Variants in COL6A6 observed in about 807,000 individuals in gnomAD.
COL6A6 encodes the protein collagen type VI alpha 6 chain, also known as collagen alpha-6(VI) chain.
COL6A6 carries 183 observed loss-of-function variants against 208.6 expected under a neutral mutation model. The observed-to-expected ratio is 0.88, with a 90% confidence interval of 0.78 to 0.99. COL6A6 has a LOEUF of 0.99. Ranked by LOEUF, COL6A6 falls within the 50% of genes least tolerant of loss-of-function variation. The pLI, the probability that COL6A6 is intolerant of heterozygous loss-of-function variation, is 0.00. For missense variants in COL6A6, 2,816 were observed against 2,815.2 expected (o/e 1.00, Z -0.01); for synonymous variants, 973 against 1,011.8 (o/e 0.96, Z 0.73).
chr3:130,579,193 G>T (rs115938256), intron 8 of COL6A6, among the ~76,000 whole-genome samples: 1,718 of 152,218 alleles, frequency 0.011, 18 homozygotes, highest in Admixed American at 0.018. Context: ...TTAATACCAA[G>T]AATCTGCCAT....
intron 33 of COL6A6, among the ~76,000 whole-genome samples, chr3:130,653,357 G>T (rs568698278): frequency 6.6e-6 from 1 of 151,466 alleles, no homozygotes; most frequent in East Asian, 1.9e-4. Flanking sequence ...GAGTTGAAAT[G>T]GGGGGAGACT....
chr3:130,590,543 G>C (rs957135827), intron 12 of COL6A6, among the ~76,000 whole-genome samples: 2 of 135,738 alleles, frequency 1.5e-5, no homozygotes, highest in South Asian at 4.8e-4. Flanking sequence ...TCCCACCTAT[G>C]AGTGAGAACA....
At chr3:130,580,220 C>T (rs555594008) in intron 8 of COL6A6, among the ~76,000 whole-genome samples, 26 of 152,116 alleles carry the variant, frequency 1.7e-4, no homozygotes, top group African/African-American at 2.7e-4. Flanking sequence ...TATGAGAAGA[C>T]GTAGATGCAA....
chr3:130,656,240 A>G (rs953733987), intron 33 of COL6A6, among the ~76,000 whole-genome samples: 35 of 152,358 alleles, frequency 2.3e-4, no homozygotes, highest in African/African-American at 8.2e-4. Flanking sequence ...TAGCTCTACC[A>G]TTCAGTGGGT....
At chr3:130,596,734 C>T (rs2063862079) in intron 18 of COL6A6, among the ~76,000 whole-genome samples, 1 of 152,206 alleles carries the variant, frequency 6.6e-6, no homozygotes, top group Non-Finnish European at 1.5e-5. Context: ...GGGTGCAACA[C>T]ACCAACATGG....
chr3:130,561,042 C>G (rs1458286575), intron 2 of COL6A6, among the ~76,000 whole-genome samples: 1 of 152,208 alleles, frequency 6.6e-6, no homozygotes, highest in East Asian at 1.9e-4. Flanking sequence ...AGACATAAAC[C>G]AGACTTTGCC....
chr3:130,521,907 C>A (rs1420604546), intron 1 of COL6A6, among the ~76,000 whole-genome samples: 1 of 151,952 alleles, frequency 6.6e-6, no homozygotes, highest in Non-Finnish European at 1.5e-5. Context: ...ATAGTGGTAA[C>A]CTACCTGCTC....
chr3:130,618,543 A>G (rs1405994329), intron 23 of COL6A6, among the ~76,000 whole-genome samples: 1 of 152,190 alleles, frequency 6.6e-6, no homozygotes, highest in Non-Finnish European at 1.5e-5. Flanking sequence ...TCATTCTTTG[A>G]TATCTTTCTG....
intron 1 of COL6A6, among the ~76,000 whole-genome samples, chr3:130,554,628 GGT>G (rs2062725597): frequency 6.6e-6 from 1 of 152,172 alleles, no homozygotes; most frequent in Non-Finnish European, 1.5e-5. Context: ...TGGCATTGGA[GGT>G]GTGGTGGAGG....
chr3:130,559,130 A>C (rs1490038407), intron 1 of COL6A6, among the ~76,000 whole-genome samples: 3 of 152,330 alleles, frequency 2.0e-5, no homozygotes, highest in African/African-American at 7.2e-5. Context: ...AGCTCAACAA[A>C]TGGCAGAATT....
intron 20 of COL6A6, among the ~76,000 whole-genome samples, chr3:130,602,028 C>T (rs2064038718): frequency 6.6e-6 from 1 of 152,118 alleles, no homozygotes; most frequent in South Asian, 2.1e-4. Context: ...CACATAGGGC[C>T]ATAGTTCAAC....
At chr3:130,642,224 C>G (rs142041741) in intron 29 of COL6A6, among the ~76,000 whole-genome samples, 113 of 146,660 alleles carry the variant, frequency 7.7e-4, no homozygotes, top group Non-Finnish European at 1.1e-3. Flanking sequence ...TTCTTCTATC[C>G]CAAACTCTGA....
intron 31 of COL6A6, among the ~76,000 whole-genome samples, chr3:130,643,362 C>CTG (rs2065373316): frequency 6.6e-6 from 1 of 152,200 alleles, no homozygotes; most frequent in African/African-American, 2.4e-5. Flanking sequence ...CTGACAGTAA[C>CTG]TGACAGAATT....
chr3:130,592,597 C>T lies in COL6A6; in HGVS notation c.4329C>T (p.Gly1443=), dbSNP rs973089602. ...VGEQGTKGCY[G]TKGPKGNRGL... ...AGCAAGGTACTAAGGGATGCTATGG[C>T]ACCAAAGGTCCTAAGGTAAGGATTG... The change falls in exon 14 of 37, where the codon GGC becomes GGT. Residue 1443 remains glycine, a synonymous_variant. Transcript: ENST00000358511. The T allele has an allele frequency of 1.9e-6, 3 of 1,613,050 alleles. No individual in the cohort carries two copies. Among genetic ancestry groups the T allele is most frequent in the Non-Finnish European group, 2.5e-6 (3 of 1,179,342 alleles).
At chr3:130,614,873 C>T (rs563166770) in intron 23 of COL6A6, among the ~76,000 whole-genome samples, 1 of 151,882 alleles carries the variant, frequency 6.6e-6, no homozygotes, top group East Asian at 1.9e-4. Context: ...TTTTTCATTT[C>T]TCATTGTGTT....
In COL6A6 at chr3:130,608,764, T is replaced by C. The variant is rs1348872348; in HGVS notation, c.4690-138T>C. On this transcript the variant is annotated intron_variant, in intron 21 of 36. Coordinates refer to ENST00000358511, the MANE Select transcript of COL6A6 (RefSeq NM_001102608.3). ...TTTGTATTTGCATTTATTTTTCACC[T>C]TTTTTTTTTTTTTTTTTTTTTTTTT... The C allele has an allele frequency of 1.0e-3, 128 of 128,524 alleles. No homozygotes were observed. In the South Asian group the frequency reaches 0.015, roughly 15 times the overall value. The allele number at this position is 128,524 out of a possible 1,614,324, so 8.0% of individuals were successfully genotyped here.
intron 1 of COL6A6, among the ~76,000 whole-genome samples, chr3:130,546,777 A>G (rs1183101435): frequency 6.6e-6 from 1 of 152,192 alleles, no homozygotes; most frequent in Non-Finnish European, 1.5e-5. Context: ...TGGTGCATTT[A>G]CAAACCTTGA....
intron 18 of COL6A6, among the ~76,000 whole-genome samples, chr3:130,597,564 C>G (rs1467622754): frequency 2.0e-5 from 3 of 152,182 alleles, no homozygotes; most frequent in African/African-American, 7.2e-5. Flanking sequence ...TAATTGTTGT[C>G]CTCTCTCAGT....
intron 22 of COL6A6, among the ~76,000 whole-genome samples, 178 bp downstream of exon 22, chr3:130,609,142 A>C (rs73198042): frequency 1.2e-3 from 178 of 152,308 alleles, no homozygotes; most frequent in Middle Eastern, 0.01. Flanking sequence ...GGTCTGCTTT[A>C]AGTTTTGTCC....
Sources: allele counts gnomAD v4.1 joint callset (sites outside exome capture counted in the v4.1 genomes callset), GRCh38; gene constraint gnomAD v4.1.1; transcripts MANE v1.5; gene names NCBI Gene and HGNC (gene_info 2026-07-23, HGNC 2026-07-21).